ADCY1: variants seen among roughly 807,000 people sequenced by gnomAD.
The protein encoded by ADCY1 is adenylate cyclase type 1.
A neutral mutation model predicts 105.4 loss-of-function variants in ADCY1; 28 were observed. The observed-to-expected ratio is 0.27, with a 90% CI of 0.20 to 0.36. The LOEUF (loss-of-function observed/expected upper bound fraction) is 0.36, where lower values mean the gene tolerates loss of function less well. ADCY1 is among the 10% of genes least tolerant of loss of function. The pLI is 1.00. For missense variants in ADCY1, 977 were observed against 1,434.2 expected (o/e 0.68, Z 5.15); for synonymous variants, 655 against 623.8 (o/e 1.05, Z -0.75).
At chr7:45,712,081 A>C (rs973436605) in intron 19 of ADCY1, among the ~76,000 whole-genome samples, 6 of 132,244 alleles carry the variant, frequency 4.5e-5, no homozygotes, top group African/African-American at 1.7e-4. Flanking sequence ...ATATTATATT[A>C]AATATATAAT....
chr7:45,577,487 A>G (rs1339158603), intron 1 of ADCY1, among the ~76,000 whole-genome samples: 1 of 152,174 alleles, frequency 6.6e-6, no homozygotes, highest in Non-Finnish European at 1.5e-5. Flanking sequence ...GAGATGGTGA[A>G]GAAGACAGCA....
At chr7:45,595,262 G>C (rs920372489) in intron 2 of ADCY1, among the ~76,000 whole-genome samples, 4 of 152,178 alleles carry the variant, frequency 2.6e-5, no homozygotes, top group African/African-American at 9.7e-5. Context: ...AGCCTGTTAG[G>C]AATGCAGATT....
chr7:45,708,448 C>T lies in ADCY1; in HGVS notation c.2916C>T (p.Asp972=). Residue 972 remains aspartate (D), a synonymous_variant, in exon 18 of 20, where the codon GAC becomes GAT. Coordinates refer to ENST00000297323, the MANE Select transcript of ADCY1 (RefSeq NM_021116.4). The surrounding 1 kb of genome is among the most constrained non-coding windows in gnomAD (Gnocchi z 4.7). ...LDEINYQSYN[D]FVLRVGINVG... is the part of the protein sequence containing the mutation. ...AAATCAACTACCAGTCTTACAACGA[C>T]TTTGTCCTCCGAGTTGGTATGTGGC... 1 of 1,613,748 alleles carries T rather than the reference C, an allele frequency of 6.2e-7. No homozygotes were observed. Among genetic ancestry groups the T allele is most frequent in the Non-Finnish European group, 8.5e-7 (1 of 1,179,608 alleles).
chr7:45,687,789 A>G (rs1436502742), intron 14 of ADCY1, among the ~76,000 whole-genome samples: 1 of 152,156 alleles, frequency 6.6e-6, no homozygotes, highest in African/African-American at 2.4e-5. Context: ...CTGAGCTGGG[A>G]TCCAGCTGCC....
In ADCY1 at chr7:45,718,674, C is replaced by T. The variant is rs1169988523; in HGVS notation, c.*4679C>T. 5 of 152,244 alleles carry T rather than the reference C, an allele frequency of 3.3e-5. No homozygotes were observed. Among genetic ancestry groups the T allele is most frequent in the Non-Finnish European group, 7.3e-5 (5 of 68,094 alleles). 9.4% of individuals were successfully genotyped at this position (152,244 alleles called of 1,614,324 possible). A position where few individuals can be genotyped will look rare whatever the true frequency, so the allele number is the denominator to read the frequency against. ...TGGAGTTGCTTCAACCTTTCTCAGT[C>T]CCGGCCCTCACTGCACCCACCAAGT... is the stretch of plus-strand genomic sequence containing the variant. On this transcript the variant is annotated 3_prime_UTR_variant, in exon 20 of 20. Coordinates refer to ENST00000297323, the MANE Select transcript of ADCY1 (RefSeq NM_021116.4).
At position 45,635,614 on chromosome 7, in the gene ADCY1, T is replaced by TG. The variant is rs1562699584; in HGVS notation, c.1020+12871_1020+12872insG. Among the ~76,000 whole-genome samples the TG allele has an allele frequency of 1.1e-3, 149 of 139,628 alleles. No homozygotes were observed. The South Asian group carries it at 0.032, about 30-fold the overall frequency. The allele number at this position is 139,628 out of a possible 152,430, so 91.6% of individuals were successfully genotyped here. A position where few individuals can be genotyped will look rare whatever the true frequency, so the allele number is the denominator to read the frequency against. ...CTAATTTCTCTTGTTTTTTTTTTTT[T>TG]TTTTTTTTTTTTTTTCCAGACCCAT... On this transcript the variant is annotated intron_variant, in intron 4 of 19. Coordinates refer to ENST00000297323, the MANE Select transcript of ADCY1 (RefSeq NM_021116.4).
At chr7:45,680,224 A>T (rs1182122850) in intron 11 of ADCY1, 1 of 232,802 alleles carries the variant, frequency 4.3e-6, no homozygotes, top group East Asian at 9.9e-5. Context: ...TGGAATGGAG[A>T]GTCTAGCAGC....
chr7:45,681,981 G>A (rs1431767374), intron 11 of ADCY1, among the ~76,000 whole-genome samples: 1 of 152,164 alleles, frequency 6.6e-6, no homozygotes, highest in Non-Finnish European at 1.5e-5. Flanking sequence ...ACCCCTATCT[G>A]GTTTCCCCAT....
intron 2 of ADCY1, among the ~76,000 whole-genome samples, chr7:45,598,302 T>TC (rs1214928676): frequency 6.6e-6 from 1 of 152,190 alleles, no homozygotes; most frequent in Non-Finnish European, 1.5e-5. Flanking sequence ...GCCACAGATC[T>TC]CCTCAGCTAA....
intron 3 of ADCY1, among the ~76,000 whole-genome samples, chr7:45,613,615 C>T (rs1793651564): frequency 6.6e-6 from 1 of 151,918 alleles, no homozygotes; most frequent in Non-Finnish European, 1.5e-5. Flanking sequence ...TGTATACACA[C>T]AATGAAAATT....
At chr7:45,627,480 C>A (rs564305721) in intron 4 of ADCY1, among the ~76,000 whole-genome samples, 1 of 152,194 alleles carries the variant, frequency 6.6e-6, no homozygotes, top group Non-Finnish European at 1.5e-5. Context: ...GGCACTGAGT[C>A]CCAGCGCTGA....
chr7:45,583,945 T>G lies in ADCY1; in HGVS notation c.639+8763T>G, dbSNP rs12666385. Among the ~76,000 whole-genome samples, 262 of 67,506 alleles carry G rather than the reference T, an allele frequency of 3.9e-3. 1 individual carries two copies. The highest frequency in any genetic ancestry group is 9.3e-3 in the South Asian group (12 of 1,286). The allele number at this position is 67,506 out of a possible 152,430, so 44.3% of individuals were successfully genotyped here. On this transcript the variant is annotated intron_variant, in intron 1 of 19. Transcript: ENST00000297323. ...ATGAGCCACTGTGCCCTGTTTTTTT[T>G]TTTTTTTTTTTTTTTTTTTTCAGAC...
At position 45,660,091 on chromosome 7, in the gene ADCY1, G is replaced by A. The variant is rs1795054328; in HGVS notation, c.1357G>A (p.Glu453Lys). The change falls in exon 7 of 20, where the codon GAG becomes AAG. Residue 453 changes from glutamate to lysine, a missense_variant. By Grantham distance (56) the Glu-to-Lys change is moderately conservative. Around this residue, in one of 7 missense-constraint regions of ADCY1, gnomAD observed 66 missense variants for 127.2 expected, o/e 0.52. Coordinates refer to ENST00000297323, the MANE Select transcript of ADCY1 (RefSeq NM_021116.4). ...CCTAGCGTGCTTGAATGGGGACTACGAGGTAGAACCGGGTTACGGACATGA... is the reference window on the plus strand; with the variant it reads ...CCTAGCGTGCTTGAATGGGGACTACAAGGTAGAACCGGGTTACGGACATGA... ...TTLACLNGDY[E>K]VEPGYGHERN... is the part of the protein sequence containing the mutation. The A allele has an allele frequency of 1.2e-6, 2 of 1,614,080 alleles. No homozygotes were observed. The highest frequency in any genetic ancestry group is 2.2e-5 in the South Asian group (2 of 91,080).
intron 8 of ADCY1, among the ~76,000 whole-genome samples, chr7:45,668,819 G>A (rs1215886824): frequency 6.6e-6 from 1 of 152,150 alleles, no homozygotes. Flanking sequence ...CCTGTTATTT[G>A]TCTATTCAGA....
chr7:45,712,572 G>C (rs1785281479), intron 19 of ADCY1, among the ~76,000 whole-genome samples: 1 of 151,578 alleles, frequency 6.6e-6, no homozygotes, highest in Non-Finnish European at 1.5e-5. Flanking sequence ...TCCCCTGCTT[G>C]GGCTTCCTAC....
chr7:45,691,893 T>A (rs1382067977), intron 14 of ADCY1, among the ~76,000 whole-genome samples: 3 of 152,220 alleles, frequency 2.0e-5, no homozygotes, highest in Non-Finnish European at 4.4e-5. Context: ...CATGTGACAG[T>A]GACACTTGTC....
intron 2 of ADCY1, among the ~76,000 whole-genome samples, chr7:45,603,053 T>C (rs1432219200): frequency 6.6e-6 from 1 of 152,256 alleles, no homozygotes; most frequent in Non-Finnish European, 1.5e-5. Flanking sequence ...ACAAATGGAA[T>C]CATATAATAG....
intron 2 of ADCY1, among the ~76,000 whole-genome samples, chr7:45,596,665 T>G (rs1793081764): frequency 6.6e-6 from 1 of 151,746 alleles, no homozygotes; most frequent in Non-Finnish European, 1.5e-5. Context: ...CTGAGTGAGG[T>G]CAAGTTGAGG....
rs530816056 is a variant in ADCY1, at chr7:45,719,977, T to TG, written c.*5982_*5983insG. ...CATTTTCTTTGGTTTGGTTACTTAT[T>TG]TTTTCTTTTTGGGTTCTCGGTGTGC... On this transcript the variant is annotated 3_prime_UTR_variant, in exon 20 of 20. Coordinates refer to ENST00000297323, the MANE Select transcript of ADCY1 (RefSeq NM_021116.4). 3 of 152,220 alleles carry TG rather than the reference T, an allele frequency of 2.0e-5. No individual in the cohort carries two copies. The highest frequency in any genetic ancestry group is 2.9e-5 in the Non-Finnish European group (2 of 68,030). The allele number at this position is 152,220 out of a possible 1,614,324, so 9.4% of individuals were successfully genotyped here.
Sources: allele counts gnomAD v4.1 joint callset (sites outside exome capture counted in the v4.1 genomes callset), GRCh38; gene constraint gnomAD v4.1.1; regional missense constraint gnomAD v4.1.1; non-coding constraint Gnocchi (gnomAD v3.1); transcripts MANE v1.5; gene names NCBI Gene and HGNC (gene_info 2026-07-23, HGNC 2026-07-21).